JAM3: variants seen among roughly 807,000 people sequenced by gnomAD.
The protein encoded by JAM3 is junctional adhesion molecule C.
A neutral mutation model predicts 39.4 loss-of-function variants in JAM3; 31 were observed. The ratio of observed to expected loss-of-function variants is 0.79; its 90% confidence interval spans 0.59 to 1.06. JAM3 has a LOEUF of 1.06. JAM3 is among the 50% of genes least tolerant of loss of function. The pLI is 0.00. For missense variants in JAM3, 455 were observed against 391.4 expected (o/e 1.16, Z -1.37); for synonymous variants, 182 against 148.7 (o/e 1.22, Z -1.63).
chr11:134,083,004 A>T (rs1325780241), intron 1 of JAM3, among the ~76,000 whole-genome samples: 1 of 152,202 alleles, frequency 6.6e-6, no homozygotes, highest in Non-Finnish European at 1.5e-5. Flanking sequence ...TTTCTATTTT[A>T]TGGATGATGA....
At chr11:134,146,833 T>G (rs1015549225) in intron 6 of JAM3, among the ~76,000 whole-genome samples, 2 of 152,184 alleles carry the variant, frequency 1.3e-5, no homozygotes, top group Non-Finnish European at 2.9e-5. Context: ...CCCCAGGTGC[T>G]GGGATTAACA....
chr11:134,109,619 GA>G (rs1381567433), intron 1 of JAM3, among the ~76,000 whole-genome samples: 1 of 152,156 alleles, frequency 6.6e-6, no homozygotes, highest in Non-Finnish European at 1.5e-5. Flanking sequence ...ATAAAACATG[GA>G]ATCACATAAA....
intron 1 of JAM3, among the ~76,000 whole-genome samples, chr11:134,103,704 G>A (rs192926640): frequency 6.6e-6 from 1 of 152,136 alleles, no homozygotes; most frequent in Admixed American, 6.5e-5. Context: ...AAAAGGCAGG[G>A]GTTGCAATCC....
intron 1 of JAM3, chr11:134,070,228 A>G (rs929532180): frequency 1.3e-5 from 6 of 456,142 alleles, no homozygotes; most frequent in East Asian, 7.0e-5. Context: ...CCTCAACTTC[A>G]TATTTACCTA....
intron 1 of JAM3, among the ~76,000 whole-genome samples, chr11:134,073,086 C>T (rs1025241438): frequency 1.3e-5 from 2 of 152,100 alleles, no homozygotes; most frequent in African/African-American, 4.8e-5. Context: ...TCTTTTACAC[C>T]TAGTTTAGCA....
At position 134,094,327 on chromosome 11, in the gene JAM3, C is replaced by T. The variant is rs569585374; in HGVS notation, c.76+25168C>T. On this transcript the variant is annotated intron_variant, in intron 1 of 8. Coordinates refer to ENST00000299106, the MANE Select transcript of JAM3 (RefSeq NM_032801.5). ...TCCTTATTCATCATGTTCCACCTTA[C>T]ATCTTATTCATCATGTTCCATCTTA... 2.5e-3 allele frequency among the ~76,000 whole-genome samples: 363 copies of T among 144,320 alleles called. 2 individuals are homozygous for T. Among genetic ancestry groups the T allele is most frequent in the African/African-American group, 9.0e-3 (345 of 38,246 alleles). 94.7% of individuals were successfully genotyped at this position (144,320 alleles called of 152,430 possible).
intron 1 of JAM3, among the ~76,000 whole-genome samples, chr11:134,102,399 C>A (rs1303445244): frequency 2.6e-5 from 4 of 152,110 alleles, no homozygotes; most frequent in Non-Finnish European, 5.9e-5. Context: ...GTAGATAAAA[C>A]CACAAAGATG....
chr11:134,086,218 T>C (rs1941743607), intron 1 of JAM3, among the ~76,000 whole-genome samples: 1 of 152,222 alleles, frequency 6.6e-6, no homozygotes, highest in Admixed American at 6.5e-5. Flanking sequence ...TTTGCTTTAT[T>C]CCTTCTGAGT....
chr11:134,090,153 G>A (rs1445389775), intron 1 of JAM3, among the ~76,000 whole-genome samples: 3 of 151,774 alleles, frequency 2.0e-5, no homozygotes, highest in Non-Finnish European at 2.9e-5. Flanking sequence ...TTTTGATGGG[G>A]TTGTTTGTTT....
intron 3 of JAM3, among the ~76,000 whole-genome samples, chr11:134,142,647 G>A (rs903898753): frequency 3.9e-5 from 6 of 151,994 alleles, no homozygotes; most frequent in African/African-American, 1.5e-4. Flanking sequence ...AATTCGTACC[G>A]CATCCTTTTA....
intron 1 of JAM3, among the ~76,000 whole-genome samples, chr11:134,089,214 A>C (rs1272724305): frequency 2.6e-5 from 4 of 152,168 alleles, no homozygotes; most frequent in Non-Finnish European, 5.9e-5. Flanking sequence ...TTTTTAATAA[A>C]GGCAAATTCT....
At chr11:134,087,260 G>A (rs1306806959) in intron 1 of JAM3, among the ~76,000 whole-genome samples, 2 of 152,136 alleles carry the variant, frequency 1.3e-5, no homozygotes, top group Non-Finnish European at 2.9e-5. Context: ...AAAAAGTAGG[G>A]AAGAGTATGG....
At chr11:134,102,940 A>C (rs1381604746) in intron 1 of JAM3, among the ~76,000 whole-genome samples, 8 of 152,248 alleles carry the variant, frequency 5.3e-5, no homozygotes, top group Admixed American at 5.2e-4. Flanking sequence ...AACACTCTGC[A>C]GGATATTATC....
chr11:134,119,459 A>G (rs1591793675), intron 1 of JAM3, among the ~76,000 whole-genome samples: 1 of 152,230 alleles, frequency 6.6e-6, no homozygotes, highest in Non-Finnish European at 1.5e-5. Context: ...TTGCCAGAGT[A>G]TTAGTGTTTA....
At chr11:134,079,534 G>T (rs2120587305) in intron 1 of JAM3, among the ~76,000 whole-genome samples, 1 of 147,798 alleles carries the variant, frequency 6.8e-6, no homozygotes, top group South Asian at 2.2e-4. Flanking sequence ...TTTTCTGGGT[G>T]AAAAAAAAAA....
chr11:134,124,219 ACTT>A (rs552039163), intron 1 of JAM3: 665 of 1,374,196 alleles, frequency 4.8e-4, no homozygotes, highest in Middle Eastern at 3.2e-3. Context: ...ATCACTCCAT[ACTT>A]CTTAAGTTCC....
At chr11:134,133,823 T>A (rs907484686) in intron 1 of JAM3, among the ~76,000 whole-genome samples, 2 of 152,188 alleles carry the variant, frequency 1.3e-5, no homozygotes, top group African/African-American at 4.8e-5. Flanking sequence ...TACTACAGTT[T>A]ATTTTCCTGG....
rs1033318311 is a variant in JAM3, at chr11:134,148,235, A to G, written c.713-312A>G. The stretch of plus-strand genomic sequence containing the variant: ...TTGTCCTCATAACCATTTCCTCCAT[A>G]AGTAATCTCAGGCATTCAGCCAGAG... On this transcript the variant is annotated intron_variant, in intron 6 of 8. Transcript: ENST00000299106. The G allele has an allele frequency of 1.5e-5, 6 of 407,802 alleles. No individual in the cohort carries two copies. The Admixed American group carries it at 1.9e-4, about 13-fold the overall frequency. The allele number at this position is 407,802 out of a possible 1,614,324, so 25.3% of individuals were successfully genotyped here.
rs201770276 is a variant in JAM3 at position 134,148,605 on chromosome 11, C to T, written c.771C>T (p.Ala257=). 1.1e-4 allele frequency: 185 copies of T among 1,614,104 alleles called. 1 individual carries two copies. The Admixed American group carries it at 3.0e-3, about 26-fold the overall frequency. ...TTCTGGTTGTCCTTGCTGTACTGGC[C>T]CTGATCACGTTGGGCATCTGCTGTG... ...GGVLVVLAVL[A]LITLGICCAY... Residue 257 remains alanine (A), a synonymous_variant, in exon 7 of 9, where the codon GCC becomes GCT. Coordinates refer to ENST00000299106, the MANE Select transcript of JAM3 (RefSeq NM_032801.5).
Sources: gnomAD v4.1 joint callset for allele counts (sites outside exome capture counted in the v4.1 genomes callset) on GRCh38, gnomAD v4.1.1 for gene constraint, MANE v1.5 for transcripts, NCBI Gene and HGNC (gene_info 2026-07-23, HGNC 2026-07-21) for gene names.